Variants in SSBP2 observed in about 807,000 individuals in gnomAD.
SSBP2 encodes the protein single stranded DNA binding protein 2.
A neutral mutation model predicts 61.8 loss-of-function variants in SSBP2; 17 were observed. The ratio of observed to expected loss-of-function variants is 0.28; its 90% CI spans 0.19 to 0.41. The LOEUF (loss-of-function observed/expected upper bound fraction) is 0.41, where lower values mean the gene tolerates loss of function less well. SSBP2 is among the 10% of genes least tolerant of loss of function. The pLI, the probability that SSBP2 is intolerant of heterozygous loss-of-function variation, is 1.00. For synonymous variants in SSBP2, 139 were observed against 141.3 expected (o/e 0.98, Z 0.12); for missense variants, 310 against 458.7 (o/e 0.68, Z 2.96).
At chr5:81,700,764 A>G (rs188444098) in intron 1 of SSBP2, among the ~76,000 whole-genome samples, 1 of 152,278 alleles carries the variant, frequency 6.6e-6, no homozygotes, top group Admixed American at 6.5e-5. Flanking sequence ...TTCTTTCCTT[A>G]CACCTCATGA....
intron 4 of SSBP2, among the ~76,000 whole-genome samples, chr5:81,532,272 ATTAAT>A (rs1446945860): frequency 6.6e-6 from 1 of 150,866 alleles, no homozygotes; most frequent in Non-Finnish European, 1.5e-5. Context: ...AGCAGTATTA[ATTAAT>A]TTTTGTTTTA....
At chr5:81,478,311 C>T (rs1281253703) in intron 6 of SSBP2, among the ~76,000 whole-genome samples, 1 of 151,912 alleles carries the variant, frequency 6.6e-6, no homozygotes, top group Admixed American at 6.6e-5. Flanking sequence ...CAGATGCATG[C>T]CCCCACACCT....
chr5:81,525,826 A>C (rs1257076664), intron 4 of SSBP2, among the ~76,000 whole-genome samples: 1 of 151,976 alleles, frequency 6.6e-6, no homozygotes. Flanking sequence ...TGCTTCCTCT[A>C]TCATCCTAGA....
intron 15 of SSBP2, among the ~76,000 whole-genome samples, chr5:81,431,417 A>C (rs1483308264): frequency 6.6e-6 from 1 of 152,150 alleles, no homozygotes; most frequent in Admixed American, 6.5e-5. Context: ...TCAAGTTGGA[A>C]ATTCTCTTAA....
At chr5:81,739,523 T>G (rs1383520205) in intron 1 of SSBP2, among the ~76,000 whole-genome samples, 1 of 152,132 alleles carries the variant, frequency 6.6e-6, no homozygotes, top group Non-Finnish European at 1.5e-5. Flanking sequence ...TGCTACCCAG[T>G]GTGGTAGTGG....
chr5:81,550,274 A>G (rs1222388825), intron 4 of SSBP2, among the ~76,000 whole-genome samples: 1 of 152,124 alleles, frequency 6.6e-6, no homozygotes, highest in Non-Finnish European at 1.5e-5. Context: ...ATCAAGTTTT[A>G]TTTAACTTCT....
chr5:81,453,514 G>T (rs1200206085), intron 10 of SSBP2, among the ~76,000 whole-genome samples: 59 of 150,732 alleles, frequency 3.9e-4, no homozygotes, highest in Admixed American at 3.5e-3. Context: ...TGGAGTGCAG[G>T]GGCGTGATCT....
At chr5:81,735,936 C>A (rs911563551) in intron 1 of SSBP2, among the ~76,000 whole-genome samples, 2 of 152,060 alleles carry the variant, frequency 1.3e-5, no homozygotes, top group Non-Finnish European at 2.9e-5. Context: ...TTTTATTACA[C>A]CTGGGTAAAA....
chr5:81,685,431 A>G (rs1752700454), intron 1 of SSBP2, among the ~76,000 whole-genome samples: 1 of 152,176 alleles, frequency 6.6e-6, no homozygotes, highest in Non-Finnish European at 1.5e-5. Flanking sequence ...CACATGTAAG[A>G]TATGGATAAT....
chr5:81,539,854 C>A (rs937108019), intron 4 of SSBP2, among the ~76,000 whole-genome samples: 1 of 152,160 alleles, frequency 6.6e-6, no homozygotes, highest in Admixed American at 6.5e-5. Context: ...GTCAACCCGT[C>A]ATCTACATTA....
chr5:81,420,633 A>G, intron 16 of SSBP2, 100 bp from the exon 17 acceptor site: 7 of 965,838 alleles, frequency 7.2e-6, no homozygotes, highest in Non-Finnish European at 1.1e-5. Flanking sequence ...ATTTCTTATC[A>G]TCTTTTATGT....
chr5:81,735,660 G>C (rs543230476), intron 1 of SSBP2, among the ~76,000 whole-genome samples: 94 of 152,122 alleles, frequency 6.2e-4, no homozygotes, highest in African/African-American at 1.9e-3. Flanking sequence ...TGAATCCTCG[G>C]ATGTAGAACC....
At chr5:81,523,387 C>G (rs376112330) in intron 4 of SSBP2, among the ~76,000 whole-genome samples, 2 of 151,828 alleles carry the variant, frequency 1.3e-5, no homozygotes, top group Admixed American at 1.3e-4. Context: ...AGGTAGATAA[C>G]AAGAAAGAGT....
At chr5:81,697,901 ATATAAG>A (rs531537754) in intron 1 of SSBP2, among the ~76,000 whole-genome samples, 113 of 152,328 alleles carry the variant, frequency 7.4e-4, no homozygotes, top group Admixed American at 1.6e-3. Context: ...CATTATGAAA[ATATAAG>A]TATAATTATC....
rs925937851 is a variant in SSBP2 at position 81,593,887 on chromosome 5, T to A, written c.282+21586A>T. On this transcript the variant is annotated intron_variant, in intron 4 of 16. Transcript: ENST00000320672. The stretch of plus-strand genomic sequence containing the variant: ...AACTGGTACCAGCCACTGCAAAAAC[T>A]TGCCAAATTGTAAAGACCATCAAGG... Among the ~76,000 whole-genome samples, 41 of 152,088 alleles carry A rather than the reference T, an allele frequency of 2.7e-4. 1 individual carries two copies. The highest frequency in any genetic ancestry group is 2.2e-4 in the Non-Finnish European group (15 of 68,000).
intron 4 of SSBP2, among the ~76,000 whole-genome samples, chr5:81,530,671 A>G (rs1490491735): frequency 1.3e-5 from 2 of 152,118 alleles, no homozygotes; most frequent in Non-Finnish European, 2.9e-5. Flanking sequence ...TCAGAATAGT[A>G]TAGTGTACAT....
chr5:81,450,608 C>T (rs1423157249), intron 10 of SSBP2, among the ~76,000 whole-genome samples: 1 of 152,180 alleles, frequency 6.6e-6, no homozygotes, highest in East Asian at 1.9e-4. Context: ...CAACTAACTC[C>T]CTTGCCTGAC....
chr5:81,504,119 A>T (rs1185063861), intron 5 of SSBP2, among the ~76,000 whole-genome samples: 5 of 152,152 alleles, frequency 3.3e-5, no homozygotes, highest in Non-Finnish European at 7.4e-5. Flanking sequence ...CAGCACATGT[A>T]CCCCTGAATC....
intron 1 of SSBP2, among the ~76,000 whole-genome samples, chr5:81,700,941 GCTATT>G (rs1176990966): frequency 6.6e-6 from 1 of 152,158 alleles, no homozygotes; most frequent in Non-Finnish European, 1.5e-5. Context: ...TGACCATAAA[GCTATT>G]CTACTTTCTT....
Sources: allele counts gnomAD v4.1 joint callset (sites outside exome capture counted in the v4.1 genomes callset), GRCh38; gene constraint gnomAD v4.1.1; transcripts MANE v1.5; gene names NCBI Gene and HGNC (gene_info 2026-07-23, HGNC 2026-07-21).